Variants in PPP2R2A observed in about 807,000 individuals in gnomAD.
The protein encoded by PPP2R2A is serine/threonine-protein phosphatase 2A 55 kDa regulatory subunit B alpha isoform.
A neutral mutation model predicts 53.2 loss-of-function variants in PPP2R2A; 9 were observed. The observed-to-expected ratio is 0.17, with a 90% CI of 0.10 to 0.30. The LOEUF (loss-of-function observed/expected upper bound fraction) is 0.30, where lower values mean the gene tolerates loss of function less well. Ranked by LOEUF, PPP2R2A falls within the 10% of genes least tolerant of loss-of-function variation. The pLI is 1.00. For synonymous variants in PPP2R2A, 169 were observed against 174.2 expected (o/e 0.97, Z 0.23); for missense variants, 235 against 534.6 (o/e 0.44, Z 5.53).
intron 6 of PPP2R2A, 130 bp downstream of exon 6, chr8:26,361,281 T>A: frequency 1.3e-6 from 1 of 799,718 alleles, no homozygotes; most frequent in Non-Finnish European, 1.8e-6. Flanking sequence ...GCACCTTATT[T>A]TTTTCTTTGT....
intron 3 of PPP2R2A, among the ~76,000 whole-genome samples, chr8:26,350,909 T>C (rs1804467287): frequency 6.6e-6 from 1 of 152,238 alleles, no homozygotes; most frequent in Middle Eastern, 3.4e-3. Context: ...CCTAGCACTT[T>C]GGGAGGCTGA....
intron 2 of PPP2R2A, among the ~76,000 whole-genome samples, chr8:26,324,028 C>G (rs1323886684): frequency 6.6e-6 from 1 of 152,252 alleles, no homozygotes; most frequent in Non-Finnish European, 1.5e-5. Context: ...CCGTGGCCTA[C>G]AAGGCCATTG....
intron 3 of PPP2R2A, among the ~76,000 whole-genome samples, chr8:26,347,587 TATTA>T (rs919492916): frequency 1.2e-4 from 19 of 152,186 alleles, no homozygotes; most frequent in African/African-American, 3.4e-4. Flanking sequence ...TAAAGCATTA[TATTA>T]ATTGTATTTT....
At chr8:26,322,065 G>A (rs1438849503) in intron 2 of PPP2R2A, among the ~76,000 whole-genome samples, 1 of 152,170 alleles carries the variant, frequency 6.6e-6, no homozygotes, top group Non-Finnish European at 1.5e-5. Context: ...AGTATGAGCA[G>A]TAACTTCCTA....
chr8:26,330,761 T>C (rs1486502695), intron 2 of PPP2R2A, among the ~76,000 whole-genome samples: 1 of 152,230 alleles, frequency 6.6e-6, no homozygotes, highest in African/African-American at 2.4e-5. Context: ...TGTATTTTCC[T>C]GCCTGTTTAT....
At chr8:26,359,323 C>T (rs1280094131) in intron 4 of PPP2R2A, among the ~76,000 whole-genome samples, 2 of 152,074 alleles carry the variant, frequency 1.3e-5, no homozygotes, top group Admixed American at 6.5e-5. Context: ...TAGTGGAAAA[C>T]CTGGTTAAAT....
At chr8:26,327,659 A>G (rs1312944974) in intron 2 of PPP2R2A, among the ~76,000 whole-genome samples, 3 of 151,862 alleles carry the variant, frequency 2.0e-5, no homozygotes, top group Middle Eastern at 3.2e-3. Flanking sequence ...TTTTACAATG[A>G]TTAGCTAAGC....
At chr8:26,313,444 C>T (rs967930985) in intron 2 of PPP2R2A, among the ~76,000 whole-genome samples, 2 of 152,196 alleles carry the variant, frequency 1.3e-5, no homozygotes, top group African/African-American at 4.8e-5. Context: ...TACTGCTCCT[C>T]CCAGCTTTCT....
chr8:26,360,408 G>T lies in PPP2R2A; in HGVS notation c.459+127G>T. ...CCCTTTCCCAGTAATTCTGTAATCA[G>T]GTAGGACATTGAGTAACTCATTTAA... On this transcript the variant is annotated intron_variant, in intron 5 of 9. Transcript: ENST00000380737. The surrounding 1 kb of genome is among the most constrained non-coding windows in gnomAD (Gnocchi z 4.5). 1 of 550,328 alleles carries T rather than the reference G, an allele frequency of 1.8e-6. No individual in the cohort carries two copies. The highest frequency in any genetic ancestry group is 3.1e-6 in the Non-Finnish European group (1 of 317,588). 34.1% of individuals were successfully genotyped at this position (550,328 alleles called of 1,614,324 possible). A position where few individuals can be genotyped will look rare whatever the true frequency, so the allele number is the denominator to read the frequency against.
chr8:26,331,528 T>G (rs1337145040), intron 2 of PPP2R2A, among the ~76,000 whole-genome samples: 1 of 152,230 alleles, frequency 6.6e-6, no homozygotes, highest in Non-Finnish European at 1.5e-5. Flanking sequence ...CTTTGTCTTT[T>G]TTACTGAAAT....
chr8:26,338,789 T>C lies in PPP2R2A; in HGVS notation c.83-101T>C, dbSNP rs1803795198. 1 of 708,924 alleles carries C rather than the reference T, an allele frequency of 1.4e-6. No homozygotes were observed. The allele number at this position is 708,924 out of a possible 1,614,324, so 43.9% of individuals were successfully genotyped here. ...TGGTTGATGTACTTCAAAGATATAC[T>C]TCATAGACTTGGAATGTTTGGGAAA... On this transcript the variant is annotated intron_variant, in intron 2 of 9. Coordinates refer to ENST00000380737, the MANE Select transcript of PPP2R2A (RefSeq NM_002717.4). This position sits in a 1 kb window ranked among gnomAD's most constrained non-coding sequence, Gnocchi z 4.5.
chr8:26,334,917 C>G (rs972264186), intron 2 of PPP2R2A, among the ~76,000 whole-genome samples: 1 of 152,094 alleles, frequency 6.6e-6, no homozygotes, highest in Middle Eastern at 3.2e-3. Context: ...TTTAGCCAGC[C>G]CTGTTTGGGT....
At chr8:26,366,935 A>ATT (rs1368583376) in intron 9 of PPP2R2A, among the ~76,000 whole-genome samples, 1 of 152,034 alleles carries the variant, frequency 6.6e-6, no homozygotes, top group Non-Finnish European at 1.5e-5. Context: ...TTTCGTATTC[A>ATT]TTTTTAGTAA....
In PPP2R2A at chr8:26,372,610, C is replaced by G. The variant is rs1805701184; in HGVS notation, c.*2197C>G. ...TTTAATTTCATTGGTGTAGCAAACT[C>G]TAAGCCCAGCCACTCATTTTACATG... On this transcript the variant is annotated 3_prime_UTR_variant, in exon 10 of 10. Transcript: ENST00000380737. 1 of 152,140 alleles carries G rather than the reference C, an allele frequency of 6.6e-6. No homozygotes were observed. The highest frequency in any genetic ancestry group is 2.1e-4 in the South Asian group (1 of 4,822). The allele number at this position is 152,140 out of a possible 1,614,324, so 9.4% of individuals were successfully genotyped here.
chr8:26,313,232 A>C (rs916255738), intron 2 of PPP2R2A, among the ~76,000 whole-genome samples: 2 of 151,872 alleles, frequency 1.3e-5, no homozygotes, highest in African/African-American at 4.8e-5. Context: ...ACATGGTTTC[A>C]CTATGTTGGC....
chr8:26,346,913 G>A (rs17260378), intron 3 of PPP2R2A, among the ~76,000 whole-genome samples: 35,599 of 152,118 alleles, frequency 0.23, 5,053 homozygotes, highest in Non-Finnish European at 0.31. Flanking sequence ...ACAGAGAAGA[G>A]TCTGAAATCA....
At chr8:26,346,775 T>TC (rs1396630550) in intron 3 of PPP2R2A, among the ~76,000 whole-genome samples, 2 of 152,242 alleles carry the variant, frequency 1.3e-5, no homozygotes, top group Non-Finnish European at 2.9e-5. Context: ...AGGGGAATTT[T>TC]CTAGCGAACT....
rs1805003060 is a variant in PPP2R2A, at chr8:26,360,112, C to T, written c.347-57C>T. The stretch of plus-strand genomic sequence containing the variant: ...AATGTGAAATAGCATATTTTAAATG[C>T]CTTAAAATGTTTTTCTTCTTCAGTA... On this transcript the variant is annotated intron_variant, in intron 4 of 9. Transcript: ENST00000380737. This position sits in a 1 kb window ranked among gnomAD's most constrained non-coding sequence, Gnocchi z 4.5. 3.3e-6 allele frequency: 3 copies of T among 920,180 alleles called. No homozygotes were observed. The highest frequency in any genetic ancestry group is 2.5e-5 in the East Asian group (1 of 40,492). 57.0% of individuals were successfully genotyped at this position (920,180 alleles called of 1,614,324 possible).
intron 3 of PPP2R2A, among the ~76,000 whole-genome samples, chr8:26,347,386 TTGTG>T (rs1308299416): frequency 6.6e-6 from 1 of 151,018 alleles, no homozygotes; most frequent in Non-Finnish European, 1.5e-5. Flanking sequence ...TGTGGGGTGT[TTGTG>T]TGTGTCCACG....
Sources: allele counts gnomAD v4.1 joint callset (sites outside exome capture counted in the v4.1 genomes callset), GRCh38; gene constraint gnomAD v4.1.1; non-coding constraint Gnocchi (gnomAD v3.1); transcripts MANE v1.5; gene names NCBI Gene and HGNC (gene_info 2026-07-23, HGNC 2026-07-21).